The following STXBP6 variants were observed in gnomAD, a reference collection of about 807,000 sequenced individuals.
The protein encoded by STXBP6 is syntaxin binding protein 6.
In STXBP6, 21 loss-of-function variants were observed where a neutral mutation model predicts 26.9. The ratio of observed to expected loss-of-function variants is 0.78; its 90% CI spans 0.55 to 1.12. The LOEUF is 1.12. Among genes scored for constraint, STXBP6 ranks in the 50% most tolerant of loss-of-function variants. STXBP6 has a pLI of 0.00. For missense variants in STXBP6, 232 were observed against 257.9 expected (o/e 0.90, Z 0.69); for synonymous variants, 97 against 92.6 (o/e 1.05, Z -0.27).
intron 2 of STXBP6, among the ~76,000 whole-genome samples, chr14:24,905,693 T>A (rs2071362731): frequency 6.6e-6 from 1 of 152,224 alleles, no homozygotes; most frequent in Admixed American, 6.5e-5. Flanking sequence ...CTCACCTTCA[T>A]TTCTAAAATG....
intron 2 of STXBP6, among the ~76,000 whole-genome samples, chr14:24,872,104 A>AT (rs1308704100): frequency 6.6e-6 from 1 of 152,168 alleles, no homozygotes; most frequent in African/African-American, 2.4e-5. Flanking sequence ...GAGAAACTAA[A>AT]CTATGCCAAA....
At chr14:25,013,674 A>T (rs2075084272) in intron 1 of STXBP6, among the ~76,000 whole-genome samples, 1 of 152,078 alleles carries the variant, frequency 6.6e-6, no homozygotes, top group South Asian at 2.1e-4. Flanking sequence ...ATTTAACTCC[A>T]TGAGATGGAA....
intron 1 of STXBP6, among the ~76,000 whole-genome samples, chr14:25,000,131 C>T (rs1323574521): frequency 6.6e-6 from 1 of 151,488 alleles, no homozygotes; most frequent in South Asian, 2.1e-4. Context: ...GGCAGGATCT[C>T]GGCTCACTGC....
At chr14:24,860,987 T>A (rs556325653) in intron 2 of STXBP6, among the ~76,000 whole-genome samples, 5 of 152,238 alleles carry the variant, frequency 3.3e-5, no homozygotes, top group African/African-American at 1.2e-4. Flanking sequence ...ATACATTTAC[T>A]ATACACATTG....
chr14:24,940,875 G>T (rs2072777090), intron 2 of STXBP6, among the ~76,000 whole-genome samples: 1 of 152,160 alleles, frequency 6.6e-6, no homozygotes, highest in Non-Finnish European at 1.5e-5. Context: ...AAGTAGCCAG[G>T]TGTGGTGGCA....
intron 1 of STXBP6, among the ~76,000 whole-genome samples, chr14:24,985,978 T>A (rs1446199759): frequency 6.6e-6 from 1 of 152,182 alleles, no homozygotes; most frequent in African/African-American, 2.4e-5. Flanking sequence ...TGCTCTCGAC[T>A]TTTTTAAGTA....
intron 2 of STXBP6, among the ~76,000 whole-genome samples, chr14:24,968,493 C>T (rs998457665): frequency 1.3e-5 from 2 of 152,060 alleles, no homozygotes; most frequent in Non-Finnish European, 2.9e-5. Context: ...GAGTTTCTCT[C>T]CTATGCCAGA....
chr14:24,982,891 C>T (rs942703301), intron 1 of STXBP6, among the ~76,000 whole-genome samples: 2 of 152,032 alleles, frequency 1.3e-5, no homozygotes, highest in African/African-American at 4.8e-5. Context: ...ATGACAAAGC[C>T]AAAAAATAAC....
intron 2 of STXBP6, among the ~76,000 whole-genome samples, chr14:24,887,244 CTTATT>C (rs1406874499): frequency 1.3e-5 from 2 of 152,066 alleles, no homozygotes; most frequent in African/African-American, 4.8e-5. Flanking sequence ...TGTATTCATC[CTTATT>C]TTTTTTCCTG....
At chr14:24,850,436 TTGA>T (rs1240312760) in intron 4 of STXBP6, among the ~76,000 whole-genome samples, 1 of 152,120 alleles carries the variant, frequency 6.6e-6, no homozygotes, top group Non-Finnish European at 1.5e-5. Flanking sequence ...GAAATACCCT[TTGA>T]TGATGATGAA....
At chr14:24,867,183 GGCCCTTTT>G (rs1419228591) in intron 2 of STXBP6, among the ~76,000 whole-genome samples, 4 of 152,076 alleles carry the variant, frequency 2.6e-5, no homozygotes, top group Admixed American at 2.6e-4. Context: ...GAACTAGCTT[GGCCCTTTT>G]GCCCTTTTGC....
At chr14:24,848,317 T>A (rs902498355) in intron 4 of STXBP6, among the ~76,000 whole-genome samples, 2 of 152,130 alleles carry the variant, frequency 1.3e-5, no homozygotes, top group Admixed American at 1.3e-4. Flanking sequence ...GCAGCTCAGA[T>A]GAAGTTACAC....
At chr14:25,004,580 CATTT>C (rs2074846175) in intron 1 of STXBP6, among the ~76,000 whole-genome samples, 1 of 152,184 alleles carries the variant, frequency 6.6e-6, no homozygotes, top group Non-Finnish European at 1.5e-5. Context: ...CTGACAAAGT[CATTT>C]ATTGTTTAAA....
intron 1 of STXBP6, among the ~76,000 whole-genome samples, chr14:24,990,898 GA>G (rs1365207640): frequency 6.6e-6 from 1 of 151,736 alleles, no homozygotes; most frequent in Non-Finnish European, 1.5e-5. Context: ...AGGGGACAGG[GA>G]GAGGGAAGGG....
At chr14:25,044,847 T>A (rs1440533819) in intron 1 of STXBP6, among the ~76,000 whole-genome samples, 1 of 152,210 alleles carries the variant, frequency 6.6e-6, no homozygotes, top group Non-Finnish European at 1.5e-5. Flanking sequence ...CAGGCACAAA[T>A]GCAAGTCTTT....
At chr14:25,013,206 T>TCCCC (rs2075069302) in intron 1 of STXBP6, among the ~76,000 whole-genome samples, 2 of 152,204 alleles carry the variant, frequency 1.3e-5, no homozygotes, top group African/African-American at 4.8e-5. Context: ...CTCCCCAAAT[T>TCCCC]GGTTATCTCT....
In STXBP6 at chr14:24,811,860, A is replaced by AT. The variant is rs2138649984; in HGVS notation, c.*848dup. 1 of 152,242 alleles carries AT rather than the reference A, an allele frequency of 6.6e-6. No individual in the cohort carries two copies. The highest frequency in any genetic ancestry group is 2.1e-4 in the South Asian group (1 of 4,822). The allele number at this position is 152,242 out of a possible 1,614,324, so 9.4% of individuals were successfully genotyped here. A position where few individuals can be genotyped will look rare whatever the true frequency, so the allele number is the denominator to read the frequency against. ...CACAGACCTTTACCTGGACAAATCA[A>AT]TTTTTTGATAAAAATATAAGCACTT... is the stretch of plus-strand genomic sequence containing the variant. On this transcript the variant is annotated 3_prime_UTR_variant, in exon 6 of 6. Transcript: ENST00000323944.
At chr14:24,997,076 C>T (rs776743195) in intron 1 of STXBP6, among the ~76,000 whole-genome samples, 1 of 152,210 alleles carries the variant, frequency 6.6e-6, no homozygotes, top group African/African-American at 2.4e-5. Context: ...AAGTAACTGA[C>T]GTCCAGAGGG....
intron 4 of STXBP6, among the ~76,000 whole-genome samples, chr14:24,847,697 G>A (rs76340990): frequency 0.041 from 6,261 of 152,206 alleles, 208 homozygotes; most frequent in East Asian, 0.16. Context: ...TCAAGGAATT[G>A]TTCTAGGCTG....
Sources: gnomAD v4.1 joint callset for allele counts (sites outside exome capture counted in the v4.1 genomes callset) on GRCh38, gnomAD v4.1.1 for gene constraint, MANE v1.5 for transcripts, NCBI Gene and HGNC (gene_info 2026-07-23, HGNC 2026-07-21) for gene names.